The following INPP4B variants were observed in gnomAD, a reference collection of about 807,000 sequenced individuals.
INPP4B encodes inositol polyphosphate-4-phosphatase type II B.
A neutral mutation model predicts 122.5 loss-of-function variants in INPP4B; 55 were observed. The ratio of observed to expected loss-of-function variants is 0.45; its 90% CI spans 0.36 to 0.56. The LOEUF is 0.56. INPP4B is among the 20% of genes least tolerant of loss of function. The pLI is 0.00. For missense variants in INPP4B, 1,000 were observed against 1,097.7 expected, an observed-to-expected ratio of 0.91 and a Z score of 1.26; for synonymous variants, 403 against 388.7, an observed-to-expected ratio of 1.04 and a Z score of -0.43.
In INPP4B at chr4:142,260,132, G is replaced by A. The variant is rs890656712; in HGVS notation, c.688+360C>T. Among the ~76,000 whole-genome samples the A allele has an allele frequency of 2.6e-5, 4 of 152,150 alleles. No individual in the cohort carries two copies. In the East Asian group the frequency reaches 5.8e-4, roughly 22 times the overall value. ...TCAGAATTGCTGGGACTACAGGCAC[G>A]GGCCACCATGCCCAGCTAATTTTTG... On this transcript the variant is annotated intron_variant, in intron 11 of 25. Coordinates refer to ENST00000262992, the MANE Select transcript of INPP4B (RefSeq NM_001101669.3).
intron 7 of INPP4B, among the ~76,000 whole-genome samples, chr4:142,342,054 T>C (rs548080052): frequency 6.6e-6 from 1 of 152,280 alleles, no homozygotes; most frequent in South Asian, 2.1e-4. Context: ...TATGTTGTGT[T>C]AAGCTACTAA....
chr4:142,674,314 G>T (rs1211646256), intron 2 of INPP4B, among the ~76,000 whole-genome samples: 9 of 152,072 alleles, frequency 5.9e-5, no homozygotes, highest in African/African-American at 1.2e-4. Flanking sequence ...AGATGTACCT[G>T]CATGCATCCC....
At chr4:142,336,659 T>C (rs1776716105) in intron 7 of INPP4B, among the ~76,000 whole-genome samples, 1 of 152,226 alleles carries the variant, frequency 6.6e-6, no homozygotes. Context: ...CCCCTCCTCG[T>C]CCAGATGCTG....
chr4:142,573,738 C>T (rs1048196565), intron 2 of INPP4B, among the ~76,000 whole-genome samples: 3 of 152,098 alleles, frequency 2.0e-5, no homozygotes, highest in Non-Finnish European at 4.4e-5. Flanking sequence ...CCAAGTTTAG[C>T]TTAAGCACAG....
intron 2 of INPP4B, among the ~76,000 whole-genome samples, chr4:142,496,173 G>A (rs1288168027): frequency 6.6e-6 from 1 of 151,978 alleles, no homozygotes; most frequent in African/African-American, 2.4e-5. Flanking sequence ...TTTATAAGTA[G>A]AATTACAAAG....
At chr4:142,817,188 T>C (rs1410342418) in intron 1 of INPP4B, among the ~76,000 whole-genome samples, 1 of 152,134 alleles carries the variant, frequency 6.6e-6, no homozygotes, top group East Asian at 1.9e-4. Flanking sequence ...TCCTCAGTGG[T>C]TGATAAGCCT....
At chr4:142,183,905 G>A (rs1831991505) in intron 15 of INPP4B, among the ~76,000 whole-genome samples, 1 of 151,658 alleles carries the variant, frequency 6.6e-6, no homozygotes, top group African/African-American at 2.4e-5. Context: ...TAATCTTCTT[G>A]TTGATTTTTT....
intron 7 of INPP4B, among the ~76,000 whole-genome samples, chr4:142,388,733 T>C (rs1796730103): frequency 6.6e-6 from 1 of 152,156 alleles, no homozygotes; most frequent in African/African-American, 2.4e-5. Context: ...GATGGGCTAA[T>C]TAAAAAATAG....
At chr4:142,491,499 C>CA (rs112986733) in intron 2 of INPP4B, among the ~76,000 whole-genome samples, 2 of 151,686 alleles carry the variant, frequency 1.3e-5, no homozygotes, top group Admixed American at 6.6e-5. Context: ...ATTAAAAAGA[C>CA]AAAAAAAATT....
At chr4:142,498,203 G>A (rs865970951) in intron 2 of INPP4B, among the ~76,000 whole-genome samples, 8 of 146,822 alleles carry the variant, frequency 5.4e-5, no homozygotes, top group African/African-American at 1.8e-4. Flanking sequence ...GTGCGTGTGT[G>A]TATATATATA....
At chr4:142,393,141 C>A (rs138079058) in intron 7 of INPP4B, among the ~76,000 whole-genome samples, 1 of 152,016 alleles carries the variant, frequency 6.6e-6, no homozygotes, top group East Asian at 1.9e-4. Flanking sequence ...AATGACATGC[C>A]GAGGCTGAAA....
chr4:142,611,499 CTT>C (rs1560863406), intron 2 of INPP4B, among the ~76,000 whole-genome samples: 1 of 151,780 alleles, frequency 6.6e-6, no homozygotes, highest in Non-Finnish European at 1.5e-5. Flanking sequence ...GAATTAAACA[CTT>C]TTATCTGGCC....
At chr4:142,389,251 G>GAAA (rs199976631) in intron 7 of INPP4B, among the ~76,000 whole-genome samples, 1 of 89,502 alleles carries the variant, frequency 1.1e-5, no homozygotes, top group African/African-American at 3.4e-5. Flanking sequence ...CTCCATCTCA[G>GAAA]AAAAAAAAAA....
At chr4:142,330,156 A>G (rs1426362577) in intron 7 of INPP4B, among the ~76,000 whole-genome samples, 3 of 152,224 alleles carry the variant, frequency 2.0e-5, no homozygotes, top group Non-Finnish European at 2.9e-5. Flanking sequence ...CATTTGAATC[A>G]TATCAGCAAG....
chr4:142,799,002 G>A (rs952904076), intron 1 of INPP4B, among the ~76,000 whole-genome samples: 1 of 151,544 alleles, frequency 6.6e-6, no homozygotes, highest in Non-Finnish European at 1.5e-5. Context: ...TTAACACTTT[G>A]GTAGTACTGG....
intron 2 of INPP4B, among the ~76,000 whole-genome samples, chr4:142,506,666 C>T (rs921646427): frequency 2.0e-5 from 3 of 152,070 alleles, no homozygotes; most frequent in East Asian, 1.9e-4. Context: ...AAGACAAGGC[C>T]CCTCCTTTCT....
At chr4:142,040,168 G>A (rs549042164) in intron 25 of INPP4B, among the ~76,000 whole-genome samples, 34 of 152,204 alleles carry the variant, frequency 2.2e-4, no homozygotes, top group African/African-American at 8.2e-4. Context: ...AGATACAGCA[G>A]TGACAGGAGA....
intron 15 of INPP4B, 105 bp downstream of exon 15, chr4:142,192,982 T>C (rs913377705): frequency 3.2e-6 from 2 of 628,480 alleles, no homozygotes; most frequent in African/African-American, 1.8e-5. Flanking sequence ...TAGGTTAAGA[T>C]GTCAAGAACT....
chr4:142,191,423 A>C (rs1835781033), intron 15 of INPP4B, among the ~76,000 whole-genome samples: 1 of 152,208 alleles, frequency 6.6e-6, no homozygotes, highest in Non-Finnish European at 1.5e-5. Flanking sequence ...AGAATGGTAC[A>C]GTAGGGAATC....
Sources: gnomAD v4.1 joint callset for allele counts (sites outside exome capture counted in the v4.1 genomes callset) on GRCh38, gnomAD v4.1.1 for gene constraint, MANE v1.5 for transcripts, NCBI Gene and HGNC (gene_info 2026-07-23, HGNC 2026-07-21) for gene names.